Variants in TP53BP2 observed in about 807,000 individuals in gnomAD.
The protein encoded by TP53BP2 is apoptosis-stimulating of p53 protein 2.
Under a neutral mutation model 126.2 loss-of-function variants are expected in TP53BP2, and 62 were observed. That is an observed-to-expected ratio of 0.49 (90% CI 0.40 to 0.61). The LOEUF (loss-of-function observed/expected upper bound fraction) is 0.61. Among genes scored for constraint, TP53BP2 ranks in the 20% least tolerant of loss-of-function variants. The pLI is 0.00. For synonymous variants in TP53BP2, 485 were observed against 502.9 expected (o/e 0.96, Z 0.48); for missense variants, 1,215 against 1,402.8 (o/e 0.87, Z 2.14).
chr1:223,802,662 T>C (rs1049904868), intron 8 of TP53BP2, 69 bp downstream of exon 8: 7 of 1,557,144 alleles, frequency 4.5e-6, no homozygotes, highest in Non-Finnish European at 6.1e-6. Context: ...AAGATGCCTA[T>C]GAGTAACCTC....
At chr1:223,804,055 G>A in intron 6 of TP53BP2, 119 bp downstream of exon 6, 1 of 1,026,530 alleles carries the variant, frequency 9.7e-7, no homozygotes, top group South Asian at 1.6e-5. Flanking sequence ...AGGCTGAGGT[G>A]GGAGGATCAC....
intron 3 of TP53BP2, among the ~76,000 whole-genome samples, chr1:223,813,340 T>A (rs367688007): frequency 6.6e-6 from 1 of 152,182 alleles, no homozygotes; most frequent in Non-Finnish European, 1.5e-5. Flanking sequence ...AGAAGCCCTC[T>A]ACCTCCGAAA....
intron 16 of TP53BP2, among the ~76,000 whole-genome samples, chr1:223,788,606 T>C (rs1480214395): frequency 1.3e-5 from 2 of 152,228 alleles, no homozygotes; most frequent in African/African-American, 4.8e-5. Flanking sequence ...GTTTGATTTT[T>C]AGGAAAACTT....
intron 2 of TP53BP2, among the ~76,000 whole-genome samples, chr1:223,817,435 T>TA (rs1415205654): frequency 6.6e-6 from 1 of 151,844 alleles, no homozygotes; most frequent in Non-Finnish European, 1.5e-5. Context: ...TTTGAAAATT[T>TA]AAAAAATGTA....
chr1:223,793,865 C>T (rs561048144), intron 13 of TP53BP2, among the ~76,000 whole-genome samples: 2 of 152,206 alleles, frequency 1.3e-5, no homozygotes, highest in South Asian at 4.1e-4. Context: ...CAGCACAGCC[C>T]ACAACTACAA....
rs1451292913 is a variant in TP53BP2 at position 223,780,832 on chromosome 1, C to G, written c.*21G>C. ...TTAACAGAGATTAATTCTTCATTGA[C>G]TAAAATTCTGTGTGGAAGTTTCAGG... On this transcript the variant is annotated 3_prime_UTR_variant, in exon 18 of 18. Coordinates refer to ENST00000343537, the MANE Select transcript of TP53BP2 (RefSeq NM_001031685.3). 6.2e-7 allele frequency: 1 copy of G among 1,612,034 alleles called. No individual in the cohort carries two copies. Among genetic ancestry groups the G allele is most frequent in the Non-Finnish European group, 8.5e-7 (1 of 1,179,492 alleles).
chr1:223,816,769 T>C (rs1375283349), intron 2 of TP53BP2, among the ~76,000 whole-genome samples: 1 of 152,094 alleles, frequency 6.6e-6, no homozygotes, highest in Admixed American at 6.6e-5. Context: ...TGAACCTTTA[T>C]GTTAATGTGG....
chr1:223,842,904 T>C (rs1254178132), intron 1 of TP53BP2, among the ~76,000 whole-genome samples: 1 of 152,180 alleles, frequency 6.6e-6, no homozygotes, highest in Non-Finnish European at 1.5e-5. Flanking sequence ...GTAAAACCAG[T>C]TTCTCCTCGG....
At chr1:223,808,607 T>C (rs972088763) in intron 4 of TP53BP2, among the ~76,000 whole-genome samples, 7 of 148,970 alleles carry the variant, frequency 4.7e-5, no homozygotes, top group Non-Finnish European at 5.9e-5. Flanking sequence ...ATAGGGATCA[T>C]AGATTTAGAG....
intron 4 of TP53BP2, among the ~76,000 whole-genome samples, chr1:223,809,791 C>G (rs1662847866): frequency 6.6e-6 from 1 of 151,764 alleles, no homozygotes; most frequent in Non-Finnish European, 1.5e-5. Flanking sequence ...GATGCATGCT[C>G]AAATTCACAT....
At chr1:223,783,017 G>A (rs908589232) in intron 17 of TP53BP2, among the ~76,000 whole-genome samples, 5 of 152,140 alleles carry the variant, frequency 3.3e-5, no homozygotes, top group African/African-American at 1.2e-4. Flanking sequence ...CAGGCAGTCA[G>A]GTCCCAACAC....
intron 4 of TP53BP2, among the ~76,000 whole-genome samples, chr1:223,810,131 T>A (rs1169577628): frequency 6.6e-6 from 1 of 152,196 alleles, no homozygotes; most frequent in Admixed American, 6.5e-5. Flanking sequence ...CGGCCAATTT[T>A]GCATTTTTAA....
chr1:223,806,940 C>A lies in TP53BP2; in HGVS notation c.380G>T (p.Ser127Ile). 1 of 1,611,104 alleles carries A rather than the reference C, an allele frequency of 6.2e-7. No homozygotes were observed. Among genetic ancestry groups the A allele is most frequent in the South Asian group, 1.1e-5 (1 of 90,726 alleles). ...EYRRKENGVN[S>I]PRMDLTLAEL... is the part of the protein sequence containing the mutation. ...AGCAAGAGTCAGATCCATCCTAGGA[C>A]TATTAACCTACAAGTAAAAACACAA... Residue 127 changes from serine to isoleucine, a missense_variant, in exon 5 of 18, where the codon AGT becomes ATT. Transcript: ENST00000343537.
intron 6 of TP53BP2, 143 bp downstream of exon 6, chr1:223,804,031 C>A (rs991012904): frequency 3.0e-5 from 24 of 806,314 alleles, no homozygotes; most frequent in Non-Finnish European, 2.0e-6. Context: ...CACCTGTAAC[C>A]CCAGCTACTC....
At chr1:223,834,919 G>T (rs2102887307) in intron 1 of TP53BP2, 1 of 948,538 alleles carries the variant, frequency 1.1e-6, no homozygotes, top group Middle Eastern at 5.4e-4. Context: ...TGTCCTACTG[G>T]TCTATACATT....
chr1:223,802,637 G>C, intron 8 of TP53BP2, 94 bp downstream of exon 8: 1 of 1,419,442 alleles, frequency 7.0e-7, no homozygotes, highest in Non-Finnish European at 9.6e-7. Context: ...GGCACACTGA[G>C]TAATGATTCT....
intron 1 of TP53BP2, 191 bp from the exon 2 acceptor site, chr1:223,821,558 T>C (rs1283523343): frequency 3.9e-6 from 3 of 760,954 alleles, no homozygotes; most frequent in Admixed American, 1.7e-5. Context: ...GCCCCTACCA[T>C]GGGGCAGTAG....
intron 13 of TP53BP2, among the ~76,000 whole-genome samples, chr1:223,793,976 A>AGAGCTGGGACGCAAATCCAGGT (rs1435967229): frequency 6.6e-6 from 1 of 152,226 alleles, no homozygotes; most frequent in African/African-American, 2.4e-5. Flanking sequence ...GGCAAATGGC[A>AGAGCTGGGACGCAAATCCAGGT]GAGCTGGGAC....
intron 2 of TP53BP2, among the ~76,000 whole-genome samples, chr1:223,815,656 C>T (rs1369752440): frequency 6.6e-6 from 1 of 152,230 alleles, no homozygotes; most frequent in South Asian, 2.1e-4. Context: ...CATAGGCCTG[C>T]ATAAGCTGAA....
Sources: gnomAD v4.1 joint callset for allele counts (sites outside exome capture counted in the v4.1 genomes callset) on GRCh38, gnomAD v4.1.1 for gene constraint, MANE v1.5 for transcripts, NCBI Gene and HGNC (gene_info 2026-07-23, HGNC 2026-07-21) for gene names.